PCLAF: variants seen among roughly 807,000 people sequenced by gnomAD.
PCLAF encodes the protein PCNA-associated factor.
In PCLAF, 12 loss-of-function variants were observed where a neutral mutation model predicts 15.1. The ratio of observed to expected loss-of-function variants is 0.79; its 90% CI spans 0.51 to 1.29. The LOEUF is 1.29. PCLAF is among the 50% of genes most tolerant of loss of function. PCLAF has a pLI of 0.00. For missense variants in PCLAF, 116 were observed against 130.9 expected, an observed-to-expected ratio of 0.89 and a Z score of 0.56; for synonymous variants, 33 against 47.1, an observed-to-expected ratio of 0.70 and a Z score of 1.22.
chr15:64,381,259 C>G (rs1346139349), intron 1 of PCLAF, 67 bp downstream of exon 1: 1 of 1,576,840 alleles, frequency 6.3e-7, no homozygotes, highest in Non-Finnish European at 8.7e-7. Context: ...CCTCTGGCGT[C>G]TGTCGCCCGT....
At chr15:64,381,938 A>G (rs1899834717), upstream of PCLAF, among the ~76,000 whole-genome samples, 2 of 152,230 alleles carry the variant, frequency 1.3e-5, no homozygotes, top group African/African-American at 2.4e-5. Flanking sequence ...GAATGGGGAA[A>G]AGGAAGCTAA....
chr15:64,381,254 G>C, intron 1 of PCLAF, 72 bp downstream of exon 1: 1 of 1,557,782 alleles, frequency 6.4e-7, no homozygotes, highest in Non-Finnish European at 8.9e-7. Flanking sequence ...GGGGACCTCT[G>C]GCGTCTGTCG....
At chr15:64,386,614 C>A (rs1211951878) in intron 1 of PCLAF, among the ~76,000 whole-genome samples, 1 of 151,158 alleles carries the variant, frequency 6.6e-6, no homozygotes, top group African/African-American at 2.4e-5. Flanking sequence ...TGAGCCACCA[C>A]GCCCAGTGTG....
chr15:64,381,600 G>A (rs898523776), upstream of PCLAF: 7 of 1,299,304 alleles, frequency 5.4e-6, no homozygotes, highest in Non-Finnish European at 7.2e-6. Context: ...GCGCGAATCC[G>A]TCCATCAACA....
At chr15:64,367,418 G>C (rs918399352) in intron 3 of PCLAF, among the ~76,000 whole-genome samples, 1 of 151,232 alleles carries the variant, frequency 6.6e-6, no homozygotes, top group Non-Finnish European at 1.5e-5. Context: ...CAGGAGAATT[G>C]CTTGAACCTA....
At chr15:64,373,848 C>G (rs948322881) in intron 3 of PCLAF, 10 of 1,342,214 alleles carry the variant, frequency 7.5e-6, no homozygotes, top group African/African-American at 2.9e-5. Flanking sequence ...CCTCCTACAT[C>G]CAGACAAGTA....
At position 64,366,044 on chromosome 15, in the gene PCLAF, C is replaced by G. The variant is rs1313822198; in HGVS notation, c.322G>C (p.Asp108His). The change falls in exon 4 of 4, where the codon GAT (aspartate) becomes CAT (histidine). Residue 108 changes from aspartate (D) to histidine (H), a missense_variant. Physicochemically the swap from Asp to His is moderately conservative, Grantham distance 81 (BLOSUM62 -1). Coordinates refer to ENST00000300035, the MANE Select transcript of PCLAF (RefSeq NM_014736.6). ...ATGAGAAAGTTCTATTCTTTTTCAT[C>G]ATTTGTGTGATCAGGTTGCAAAGGA... ...ACPLQPDHTN[D>H]EKE The G allele has an allele frequency of 6.2e-7, 1 of 1,611,340 alleles. No homozygotes were observed. Among genetic ancestry groups the G allele is most frequent in the South Asian group, 1.1e-5 (1 of 90,652 alleles).
intron 3 of PCLAF, among the ~76,000 whole-genome samples, chr15:64,367,121 T>C (rs951437497): frequency 6.6e-6 from 1 of 150,760 alleles, no homozygotes; most frequent in South Asian, 2.1e-4. Context: ...GGTCTCTGTG[T>C]CAATAAAACA....
chr15:64,382,222 T>G (rs1449898531), upstream of PCLAF, among the ~76,000 whole-genome samples: 2 of 151,558 alleles, frequency 1.3e-5, no homozygotes, highest in Non-Finnish European at 2.9e-5. Flanking sequence ...GAAACCCGTC[T>G]CTACAAAAAA....
rs572451710 is a variant in PCLAF, at chr15:64,366,476, A to G, written c.291-401T>C. Among the ~76,000 whole-genome samples, 461 of 152,354 alleles carry G rather than the reference A, an allele frequency of 3.0e-3. 4 individuals carry two copies. The highest frequency in any genetic ancestry group is 3.5e-3 in the South Asian group (17 of 4,832). ...ACCAATCCACTTTAGCAGAGAAAAC[A>G]TATAGCAAGTTGTCCTTTGACTATA... On this transcript the variant is annotated intron_variant, in intron 3 of 3. Transcript: ENST00000300035.
upstream of PCLAF, among the ~76,000 whole-genome samples, chr15:64,383,818 G>A (rs1441009677): frequency 6.6e-6 from 1 of 152,136 alleles, no homozygotes; most frequent in Non-Finnish European, 1.5e-5. Context: ...CAAGTTGCCA[G>A]AAAGAGTATC....
chr15:64,380,556 A>G (rs1899780459), intron 2 of PCLAF, among the ~76,000 whole-genome samples: 1 of 151,388 alleles, frequency 6.6e-6, no homozygotes, highest in South Asian at 2.1e-4. Flanking sequence ...ATAGAAAAAA[A>G]AGCCCGGCGT....
chr15:64,372,532 T>A (rs1327389820), intron 3 of PCLAF, among the ~76,000 whole-genome samples: 3 of 152,118 alleles, frequency 2.0e-5, no homozygotes, highest in African/African-American at 7.2e-5. Flanking sequence ...GAGAATGGCA[T>A]GAACCCAGGA....
At chr15:64,383,760 T>A (rs1033663005), upstream of PCLAF, among the ~76,000 whole-genome samples, 4 of 152,168 alleles carry the variant, frequency 2.6e-5, no homozygotes, top group African/African-American at 9.7e-5. Context: ...TATTCCAGAT[T>A]CCTGCAGAAA....
intron 1 of PCLAF, chr15:64,387,342 A>G (rs1226295335): frequency 3.4e-6 from 2 of 584,032 alleles, no homozygotes; most frequent in Non-Finnish European, 4.6e-6. Context: ...AGATCATGCC[A>G]CTGCACTCAA....
chr15:64,386,988 CT>C lies in PCLAF; in HGVS notation n.241+458del, dbSNP rs1174327905. On this transcript the variant is annotated intron_variant and non_coding_transcript_variant, in intron 1 of 1. Coordinates refer to the PCLAF transcript ENST00000558250. ...GGGAATTGCAGACAGCCCTTAAATA[CT>C]GTCATTTTTGGTTGAGAACTCATGT... is the stretch of plus-strand genomic sequence containing the variant. 5.3e-5 allele frequency among the ~76,000 whole-genome samples: 8 copies of C among 152,256 alleles called. No homozygotes were observed. The East Asian group carries it at 9.6e-4, about 18-fold the overall frequency.
chr15:64,387,680 T>A, exon 1 of PCLAF: 1 of 1,404,894 alleles, frequency 7.1e-7, no homozygotes, highest in African/African-American at 1.4e-5. Context: ...CACAAGGAAG[T>A]AGACAACAAA....
chr15:64,384,575 T>A (rs1048899814), upstream of PCLAF, among the ~76,000 whole-genome samples: 3 of 151,004 alleles, frequency 2.0e-5, no homozygotes, highest in Non-Finnish European at 4.4e-5. Flanking sequence ...AAACCCCATC[T>A]CTACAAAAAT....
At chr15:64,382,601 T>A (rs1013084834), upstream of PCLAF, 5 of 153,474 alleles carry the variant, frequency 3.3e-5, no homozygotes, top group African/African-American at 1.2e-4. Flanking sequence ...AGGGTCATAA[T>A]TTTTTTCTAT....
Sources: gnomAD v4.1 joint callset for allele counts (sites outside exome capture counted in the v4.1 genomes callset) on GRCh38, gnomAD v4.1.1 for gene constraint, MANE v1.5 for transcripts, NCBI Gene and HGNC (gene_info 2026-07-23, HGNC 2026-07-21) for gene names.